Variants in CFAP46 observed in about 807,000 individuals in gnomAD.
CFAP46 encodes cilia- and flagella-associated protein 46.
Under a neutral mutation model 325.7 loss-of-function variants are expected in CFAP46, and 245 were observed. The observed-to-expected ratio is 0.75, with a 90% confidence interval of 0.68 to 0.84. The LOEUF is 0.84. Among genes scored for constraint, CFAP46 ranks in the 40% least tolerant of loss-of-function variants. The pLI, the probability that CFAP46 is intolerant of heterozygous loss-of-function variation, is 0.00. For missense variants in CFAP46, 3,346 were observed against 3,543.0 expected (o/e 0.94, Z 1.41); for synonymous variants, 1,523 against 1,495.9 (o/e 1.02, Z -0.42).
chr10:132,822,831 ATGTG>A, intron 50 of CFAP46, among the ~76,000 whole-genome samples: 1 of 72,780 alleles, frequency 1.4e-5, no homozygotes, highest in Non-Finnish European at 2.5e-5. Flanking sequence ...GTGTGTGCTG[ATGTG>A]TGCTGATGTG....
chr10:132,904,784 CA>C (rs967710705), intron 22 of CFAP46, among the ~76,000 whole-genome samples: 1 of 152,190 alleles, frequency 6.6e-6, no homozygotes, highest in Non-Finnish European at 1.5e-5. Context: ...TGTTTGGAGA[CA>C]GAGTCTCGCT....
At position 132,886,523 on chromosome 10, in the gene CFAP46, C is replaced by T. The variant is rs115054406; in HGVS notation, c.3305-564G>A. 5.6e-3 allele frequency among the ~76,000 whole-genome samples: 857 copies of T among 152,268 alleles called. 5 individuals are homozygous for T. Among genetic ancestry groups the T allele is most frequent in the African/African-American group, 0.019 (771 of 41,564 alleles). On this transcript the variant is annotated intron_variant, in intron 25 of 57. Transcript: ENST00000368586. The surrounding 1 kb of genome is among the most constrained non-coding windows in gnomAD (Gnocchi z 5.8). ...TGAGCCCCACCCAGCCTCCATAGGG[C>T]GCCCTGTGGGCCATCAGTGCCCCCA... is the stretch of plus-strand genomic sequence containing the variant.
In CFAP46 at chr10:132,919,790, C is replaced by A. The variant is rs868441598; in HGVS notation, c.1730+269G>T. 6.6e-6 allele frequency among the ~76,000 whole-genome samples: 1 copy of A among 152,098 alleles called. No homozygotes were observed. The highest frequency in any genetic ancestry group is 1.5e-5 in the Non-Finnish European group (1 of 68,004). On this transcript the variant is annotated intron_variant, in intron 14 of 57. Coordinates refer to ENST00000368586, the MANE Select transcript of CFAP46 (RefSeq NM_001200049.3). This position sits in a 1 kb window ranked among gnomAD's most constrained non-coding sequence, Gnocchi z 9.7. Reference sequence around the variant, plus strand: ...AAAATCAGCCTGCTCTGGTCACAGGCGCTGCGTGTCCTCCGAGTGACAGCA... The same window carrying A: ...AAAATCAGCCTGCTCTGGTCACAGGAGCTGCGTGTCCTCCGAGTGACAGCA...
rs111432997 is a variant in CFAP46 at position 132,939,866 on chromosome 10, C to T, written c.372-1113G>A. On this transcript the variant is annotated intron_variant, in intron 4 of 57. Coordinates refer to ENST00000368586, the MANE Select transcript of CFAP46 (RefSeq NM_001200049.3). This position sits in a 1 kb window ranked among gnomAD's most constrained non-coding sequence, Gnocchi z 4.6. ...ACATGCCCGTGGTTGGGCTCACAGT[C>T]TCCTGTCCCACTGACACTGCCCTGG... Among the ~76,000 whole-genome samples the T allele has an allele frequency of 5.6e-3, 847 of 152,318 alleles. 6 individuals are homozygous for T. The highest frequency in any genetic ancestry group is 0.024 in the East Asian group (122 of 5,172).
chr10:132,847,063 G>T lies in CFAP46; in HGVS notation c.6136C>A (p.Leu2046Met). 1 of 1,612,620 alleles carries T rather than the reference G, an allele frequency of 6.2e-7. No individual in the cohort carries two copies. Among genetic ancestry groups the T allele is most frequent in the Non-Finnish European group, 8.5e-7 (1 of 1,179,900 alleles). Residue 2046 changes from leucine to methionine, a missense_variant, in exon 43 of 58, where the codon CTG becomes ATG. Coordinates refer to ENST00000368586, the MANE Select transcript of CFAP46 (RefSeq NM_001200049.3). This position sits in a 1 kb window ranked among gnomAD's most constrained non-coding sequence, Gnocchi z 5.2. ...QQYLAQASEV[L>M]LQCLQVALGS... is the part of the protein sequence containing the mutation. ...AGGGCCACCTGTAGGCACTGCAGCA[G>T]CACCTCTGACGCCTGAGCCAGGTAC...
intron 9 of CFAP46, among the ~76,000 whole-genome samples, chr10:132,926,883 TGA>T (rs903417490): frequency 3.9e-5 from 6 of 152,220 alleles, no homozygotes; most frequent in Non-Finnish European, 8.8e-5. Context: ...CCCCACCACC[TGA>T]GAGCGGCACG....
intron 57 of CFAP46, among the ~76,000 whole-genome samples, chr10:132,809,410 G>A (rs900239178): frequency 5.9e-5 from 9 of 152,260 alleles, no homozygotes; most frequent in African/African-American, 1.7e-4. Context: ...GGCGGCATCC[G>A]TGTCTGTGCC....
rs775820358 is a variant in CFAP46 at position 132,899,745 on chromosome 10, C to T, written c.2925-79G>A. 3.1e-4 allele frequency: 443 copies of T among 1,451,046 alleles called. 1 individual carries two copies. Among genetic ancestry groups the T allele is most frequent in the Non-Finnish European group, 1.9e-4 (207 of 1,087,012 alleles). The allele number at this position is 1,451,046 out of a possible 1,614,324, so 89.9% of individuals were successfully genotyped here. The stretch of plus-strand genomic sequence containing the variant: ...TCCCTCCCTGGGTCACTGTCTTGAA[C>T]TGTGGACTACACAGGTGGTATTCTA... On this transcript the variant is annotated intron_variant, in intron 22 of 57. Transcript: ENST00000368586.
At chr10:132,856,087 A>G (rs1393060570) in intron 39 of CFAP46, among the ~76,000 whole-genome samples, 1 of 152,190 alleles carries the variant, frequency 6.6e-6, no homozygotes, top group East Asian at 1.9e-4. Flanking sequence ...ATTAAGAATC[A>G]TATTTTCTGG....
rs565954016 is a variant in CFAP46, at chr10:132,886,859, G to A, written c.3305-900C>T. On this transcript the variant is annotated intron_variant, in intron 25 of 57. Coordinates refer to ENST00000368586, the MANE Select transcript of CFAP46 (RefSeq NM_001200049.3). The surrounding 1 kb of genome is among the most constrained non-coding windows in gnomAD (Gnocchi z 5.8). ...GCCCCCGACCCAACACAGCCATGGC[G>A]ACTAGAATGCTGACGCGTCCCCTCC... Among the ~76,000 whole-genome samples the A allele has an allele frequency of 6.6e-5, 10 of 152,140 alleles. 1 individual carries two copies. Among genetic ancestry groups the A allele is most frequent in the South Asian group, 4.1e-4 (2 of 4,822 alleles).
At chr10:132,867,160 G>A (rs546764201) in intron 34 of CFAP46, among the ~76,000 whole-genome samples, 62 of 148,580 alleles carry the variant, frequency 4.2e-4, no homozygotes, top group South Asian at 3.9e-3. Context: ...CACACAGGCC[G>A]GCCCCTCACA....
chr10:132,913,417 C>G (rs895104535), intron 17 of CFAP46, among the ~76,000 whole-genome samples, 159 bp from the exon 18 acceptor site: 2 of 152,176 alleles, frequency 1.3e-5, no homozygotes, highest in African/African-American at 4.8e-5. Flanking sequence ...ACAGTCGCCC[C>G]GCCGCTGGCA....
chr10:132,820,491 C>CTGTG (rs200789184), intron 50 of CFAP46, among the ~76,000 whole-genome samples: 1 of 148,968 alleles, frequency 6.7e-6, no homozygotes, highest in African/African-American at 2.5e-5. Context: ...CTGATGTGTG[C>CTGTG]TGAGTGCTGA....
At position 132,814,091 on chromosome 10, in the gene CFAP46, T is replaced by G. The variant is rs563005626; in HGVS notation, c.7388+61A>C. 7.1e-5 allele frequency: 99 copies of G among 1,390,388 alleles called. 1 individual carries two copies. In the South Asian group the frequency reaches 1.1e-3, roughly 16 times the overall value. The allele number at this position is 1,390,388 out of a possible 1,614,324, so 86.1% of individuals were successfully genotyped here. On this transcript the variant is annotated intron_variant, in intron 54 of 57. Coordinates refer to ENST00000368586, the MANE Select transcript of CFAP46 (RefSeq NM_001200049.3). ...GGAGCCGGGGGTAGGGGGCAGTGGCTCCCCGCTGGACCCCCAGACCTGCCA... is the reference window on the plus strand; with the variant it reads ...GGAGCCGGGGGTAGGGGGCAGTGGCGCCCCGCTGGACCCCCAGACCTGCCA...
At chr10:132,918,354 G>A (rs956703910) in intron 16 of CFAP46, 39 bp downstream of exon 16, 19 of 1,452,906 alleles carry the variant, frequency 1.3e-5, no homozygotes, top group African/African-American at 7.6e-5. Context: ...TCTCCACGAC[G>A]CACCTCAGCA....
At position 132,889,482 on chromosome 10, in the gene CFAP46, G is replaced by A. The variant is rs1362397432; in HGVS notation, c.3304+2851C>T. ...GAAGCGGGTCTGCGTCTGAAACTTG[G>A]GAACCCTGAGCCCTGCTTCCTCCTG... On this transcript the variant is annotated intron_variant, in intron 25 of 57. Transcript: ENST00000368586. The surrounding 1 kb of genome is among the most constrained non-coding windows in gnomAD (Gnocchi z 6.0). Among the ~76,000 whole-genome samples, 3 of 152,166 alleles carry A rather than the reference G, an allele frequency of 2.0e-5. No individual in the cohort carries two copies. The highest frequency in any genetic ancestry group is 7.2e-5 in the African/African-American group (3 of 41,436).
In CFAP46 at chr10:132,884,963, G is replaced by A. The variant is rs558391638; in HGVS notation, c.3627+140C>T. The A allele has an allele frequency of 6.9e-5, 62 of 900,864 alleles. No homozygotes were observed. The highest frequency in any genetic ancestry group is 7.0e-4 in the Middle Eastern group (2 of 2,858). The allele number at this position is 900,864 out of a possible 1,614,324, so 55.8% of individuals were successfully genotyped here. A position where few individuals can be genotyped will look rare whatever the true frequency, so the allele number is the denominator to read the frequency against. The stretch of plus-strand genomic sequence containing the variant: ...CAAGAGGAGTGCCCGGGGCCACGCG[G>A]TGCATTCTCTGTGCCCGTCAGCTGT... On this transcript the variant is annotated intron_variant, in intron 27 of 57. Transcript: ENST00000368586. The surrounding 1 kb of genome is among the most constrained non-coding windows in gnomAD (Gnocchi z 5.4).
chr10:132,884,243 G>C lies in CFAP46; in HGVS notation c.3627+860C>G, dbSNP rs1438479033. 6.6e-6 allele frequency among the ~76,000 whole-genome samples: 1 copy of C among 152,162 alleles called. No individual in the cohort carries two copies. Among genetic ancestry groups the C allele is most frequent in the Non-Finnish European group, 1.5e-5 (1 of 68,030 alleles). On this transcript the variant is annotated intron_variant, in intron 27 of 57. Transcript: ENST00000368586. The surrounding 1 kb of genome is among the most constrained non-coding windows in gnomAD (Gnocchi z 5.4). ...GGCCTCTGGTTCCCCGGAGCGAGGAGCAGTGGCTCCCTGTGGCTCCCCACG... is the reference window on the plus strand; with the variant it reads ...GGCCTCTGGTTCCCCGGAGCGAGGACCAGTGGCTCCCTGTGGCTCCCCACG...
intron 22 of CFAP46, among the ~76,000 whole-genome samples, chr10:132,901,015 T>G (rs1849385190): frequency 6.6e-6 from 1 of 152,252 alleles, no homozygotes; most frequent in South Asian, 2.1e-4. Flanking sequence ...ATCGCGTGCC[T>G]GGGCCGTTTA....
Sources: gnomAD v4.1 joint callset for allele counts (sites outside exome capture counted in the v4.1 genomes callset) on GRCh38, gnomAD v4.1.1 for gene constraint, Gnocchi (gnomAD v3.1) non-coding constraint, MANE v1.5 for transcripts, NCBI Gene and HGNC (gene_info 2026-07-23, HGNC 2026-07-21) for gene names.